OTUD7A: variants seen among roughly 807,000 people sequenced by gnomAD.
The protein encoded by OTUD7A is OTU deubiquitinase 7A.
OTUD7A carries 12 observed loss-of-function variants against 65.7 expected under a neutral mutation model. That is an observed-to-expected ratio of 0.18 (90% CI 0.12 to 0.30). The LOEUF (loss-of-function observed/expected upper bound fraction) is 0.30, where lower values mean the gene tolerates loss of function less well. Ranked by LOEUF, OTUD7A falls within the 10% of genes least tolerant of loss-of-function variation. The pLI is 1.00. For synonymous variants in OTUD7A, 641 were observed against 586.3 expected (o/e 1.09, Z -1.35); for missense variants, 1,148 against 1,304.8 (o/e 0.88, Z 1.85).
chr15:31,539,233 C>G (rs185395601), intron 5 of OTUD7A, among the ~76,000 whole-genome samples: 1 of 152,270 alleles, frequency 6.6e-6, no homozygotes, highest in African/African-American at 2.4e-5. Flanking sequence ...TGAGCTTTCT[C>G]TCTCCCCAAC....
chr15:31,523,366 C>T (rs1209499363), intron 8 of OTUD7A, among the ~76,000 whole-genome samples: 1 of 152,246 alleles, frequency 6.6e-6, no homozygotes, highest in African/African-American at 2.4e-5. Flanking sequence ...GGTCCCAGTG[C>T]TGACCTGCTG....
chr15:31,781,028 G>A (rs1895525307), intron 1 of OTUD7A, among the ~76,000 whole-genome samples: 1 of 152,156 alleles, frequency 6.6e-6, no homozygotes, highest in South Asian at 2.1e-4. Context: ...TGGCCCTTGT[G>A]GCAAGCTGTG....
intron 3 of OTUD7A, among the ~76,000 whole-genome samples, chr15:31,612,267 C>A (rs1301050095): frequency 1.3e-5 from 2 of 152,166 alleles, no homozygotes; most frequent in Non-Finnish European, 2.9e-5. Context: ...CACTACTCTT[C>A]TTCAACATAG....
intron 1 of OTUD7A, among the ~76,000 whole-genome samples, chr15:31,793,772 G>T (rs1185684701): frequency 2.0e-5 from 3 of 152,264 alleles, no homozygotes; most frequent in Non-Finnish European, 4.4e-5. Context: ...TAGCCCTGTG[G>T]CTTTCCTGTT....
chr15:31,838,191 T>G (rs745575169), intron 1 of OTUD7A, among the ~76,000 whole-genome samples: 7 of 152,246 alleles, frequency 4.6e-5, no homozygotes, highest in Non-Finnish European at 8.8e-5. Context: ...GGAGAATATG[T>G]TTTGTACCTA....
intron 1 of OTUD7A, among the ~76,000 whole-genome samples, chr15:31,696,429 T>A (rs1236993874): frequency 1.5e-4 from 18 of 118,658 alleles, no homozygotes; most frequent in African/African-American, 5.2e-4. Context: ...TAGGGCAGAA[T>A]CTGGGCCCAT....
chr15:31,666,702 A>G (rs965652612), intron 1 of OTUD7A, among the ~76,000 whole-genome samples: 3 of 151,752 alleles, frequency 2.0e-5, no homozygotes, highest in African/African-American at 7.3e-5. Context: ...TTGTTTCTCT[A>G]GTTCCTTGAG....
chr15:31,584,061 T>C (rs1889453789), intron 3 of OTUD7A, among the ~76,000 whole-genome samples: 1 of 152,134 alleles, frequency 6.6e-6, no homozygotes, highest in South Asian at 2.1e-4. Flanking sequence ...TTGACAACTC[T>C]GATGAAAAGA....
At chr15:31,508,552 C>G (rs1039562841) in intron 8 of OTUD7A, among the ~76,000 whole-genome samples, 5 of 152,194 alleles carry the variant, frequency 3.3e-5, no homozygotes, top group Non-Finnish European at 5.9e-5. Flanking sequence ...CGGGGTTTCA[C>G]TGTGTTAGCC....
intron 1 of OTUD7A, among the ~76,000 whole-genome samples, chr15:31,672,014 G>A (rs192003419): frequency 3.9e-5 from 6 of 152,262 alleles, no homozygotes; most frequent in East Asian, 1.9e-4. Flanking sequence ...GTAAGAACAC[G>A]CGGCATTTGG....
intron 1 of OTUD7A, among the ~76,000 whole-genome samples, chr15:31,732,382 G>A (rs1172359765): frequency 1.3e-5 from 2 of 152,190 alleles, no homozygotes; most frequent in African/African-American, 4.8e-5. Context: ...GGGAAGCTGG[G>A]GTTAAAAGGG....
intron 1 of OTUD7A, among the ~76,000 whole-genome samples, chr15:31,796,185 GCA>G (rs1567027228): frequency 7.4e-5 from 8 of 107,532 alleles, no homozygotes; most frequent in African/African-American, 2.7e-4. Context: ...ATGTATCTAT[GCA>G]TTATCTATCT....
chr15:31,832,658 T>G (rs975059978), intron 1 of OTUD7A, among the ~76,000 whole-genome samples: 1 of 152,198 alleles, frequency 6.6e-6, no homozygotes, highest in Non-Finnish European at 1.5e-5. Context: ...CTCTATGAAT[T>G]TGACGACTCT....
intron 10 of OTUD7A, among the ~76,000 whole-genome samples, chr15:31,497,715 A>G (rs1021268062): frequency 6.6e-6 from 1 of 152,000 alleles, no homozygotes; most frequent in African/African-American, 2.4e-5. Context: ...CCACTTCCTG[A>G]GCCTCTTCTC....
At chr15:31,507,796 T>C (rs1409201808) in intron 8 of OTUD7A, among the ~76,000 whole-genome samples, 2 of 152,192 alleles carry the variant, frequency 1.3e-5, no homozygotes, top group African/African-American at 4.8e-5. Context: ...TGTTTTACAG[T>C]CCTAGCTACA....
chr15:31,747,439 A>G (rs1198907440), intron 1 of OTUD7A, among the ~76,000 whole-genome samples: 1 of 152,232 alleles, frequency 6.6e-6, no homozygotes, highest in African/African-American at 2.4e-5. Context: ...GAAAGGAAGG[A>G]GGTGTTGAGA....
At chr15:31,506,041 A>G (rs896171078) in intron 8 of OTUD7A, among the ~76,000 whole-genome samples, 2 of 148,584 alleles carry the variant, frequency 1.3e-5, no homozygotes, top group African/African-American at 2.5e-5. Flanking sequence ...CCTGGCCACA[A>G]TTTTTTTTTT....
intron 1 of OTUD7A, among the ~76,000 whole-genome samples, chr15:31,789,985 T>C (rs1215295336): frequency 6.6e-6 from 1 of 152,196 alleles, no homozygotes; most frequent in Non-Finnish European, 1.5e-5. Flanking sequence ...GCGGGGAGAC[T>C]GGCTGACTAA....
chr15:31,790,120 T>C (rs1895776229), intron 1 of OTUD7A, among the ~76,000 whole-genome samples: 1 of 152,216 alleles, frequency 6.6e-6, no homozygotes, highest in African/African-American at 2.4e-5. Flanking sequence ...TAAAGTCACA[T>C]TGACGGGAGT....
Sources: gnomAD v4.1 joint callset for allele counts (sites outside exome capture counted in the v4.1 genomes callset) on GRCh38, gnomAD v4.1.1 for gene constraint, MANE v1.5 for transcripts, NCBI Gene and HGNC (gene_info 2026-07-23, HGNC 2026-07-21) for gene names.